The following KIFAP3 variants were observed in gnomAD, a reference collection of about 807,000 sequenced individuals.
KIFAP3 encodes kinesin-associated protein 3.
KIFAP3 carries 68 observed loss-of-function variants against 106.5 expected under a neutral mutation model. The observed-to-expected ratio is 0.64, with a 90% CI of 0.53 to 0.78. KIFAP3 has a LOEUF of 0.78. Among genes scored for constraint, KIFAP3 ranks in the 30% least tolerant of loss-of-function variants. KIFAP3 has a pLI of 0.00. For synonymous variants in KIFAP3, 320 were observed against 311.5 expected (o/e 1.03, Z -0.29); for missense variants, 780 against 941.8 (o/e 0.83, Z 2.25).
At chr1:169,939,972 T>C (rs1664017467) in intron 19 of KIFAP3, among the ~76,000 whole-genome samples, 1 of 152,170 alleles carries the variant, frequency 6.6e-6, no homozygotes, top group South Asian at 2.1e-4. Flanking sequence ...TGGAATATGA[T>C]GTGGGGCCAA....
chr1:170,036,627 T>A (rs186087689), intron 5 of KIFAP3, among the ~76,000 whole-genome samples: 1 of 152,234 alleles, frequency 6.6e-6, no homozygotes, highest in Admixed American at 6.5e-5. Context: ...TGGTGTAGCT[T>A]TGTTCAATCT....
chr1:169,975,313 A>G (rs1666166580), intron 16 of KIFAP3, among the ~76,000 whole-genome samples: 2 of 152,110 alleles, frequency 1.3e-5, no homozygotes, highest in South Asian at 4.1e-4. Context: ...TTTATCTAAA[A>G]TAAGTCTACA....
intron 10 of KIFAP3, among the ~76,000 whole-genome samples, chr1:170,011,029 C>G (rs1351651807): frequency 6.6e-6 from 1 of 151,934 alleles, no homozygotes; most frequent in Non-Finnish European, 1.5e-5. Context: ...AAAAAGCAAA[C>G]TGACCATTCA....
At chr1:169,987,614 G>A (rs528810542) in intron 11 of KIFAP3, among the ~76,000 whole-genome samples, 3 of 152,164 alleles carry the variant, frequency 2.0e-5, no homozygotes, top group South Asian at 2.1e-4. Context: ...AAGAGCAAAG[G>A]GGGCTGTCAG....
intron 16 of KIFAP3, among the ~76,000 whole-genome samples, chr1:169,973,122 T>TAA (rs869223400): frequency 2.2e-5 from 3 of 138,588 alleles, no homozygotes; most frequent in East Asian, 4.4e-4. Flanking sequence ...TATATATATA[T>TAA]AAACAACACA....
chr1:169,962,013 A>G (rs958439048), intron 17 of KIFAP3, among the ~76,000 whole-genome samples: 21 of 152,238 alleles, frequency 1.4e-4, no homozygotes, highest in African/African-American at 4.1e-4. Flanking sequence ...TTGTGGCACT[A>G]ATGACAGGTA....
chr1:170,016,628 A>G lies in KIFAP3; in HGVS notation c.1021-4T>C, dbSNP rs1180830976. 1.9e-6 allele frequency: 3 copies of G among 1,554,634 alleles called. No individual in the cohort carries two copies. Among genetic ancestry groups the G allele is most frequent in the Non-Finnish European group, 2.6e-6 (3 of 1,150,562 alleles). On this transcript the variant is annotated splice_polypyrimidine_tract_variant and splice_region_variant and intron_variant, in intron 9 of 19. Transcript: ENST00000361580. ...TTTCAACAATATCCATTTCCACCTA[A>G]GTAAAATAATAATACAAATACAGTG... is the stretch of plus-strand genomic sequence containing the variant.
chr1:169,965,017 A>C (rs1183596978), intron 17 of KIFAP3, among the ~76,000 whole-genome samples: 1 of 152,176 alleles, frequency 6.6e-6, no homozygotes, highest in East Asian at 1.9e-4. Context: ...CATTAGGGTA[A>C]GACATTTAAT....
At chr1:169,968,726 G>GACCACAA (rs1246266906) in intron 17 of KIFAP3, among the ~76,000 whole-genome samples, 1 of 151,190 alleles carries the variant, frequency 6.6e-6, no homozygotes, top group African/African-American at 2.4e-5. Context: ...CTTTAGTCTT[G>GACCACAA]ACCACAAAGT....
At chr1:169,931,174 C>G (rs1357266116) in intron 19 of KIFAP3, among the ~76,000 whole-genome samples, 1 of 152,094 alleles carries the variant, frequency 6.6e-6, no homozygotes, top group Non-Finnish European at 1.5e-5. Context: ...CCTGCCTCAG[C>G]CTCCCAAAAT....
intron 9 of KIFAP3, among the ~76,000 whole-genome samples, chr1:170,021,545 T>G (rs2102015536): frequency 6.7e-6 from 1 of 149,224 alleles, no homozygotes; most frequent in South Asian, 2.2e-4. Context: ...GTTCAAGCAA[T>G]TCTCCTGCCT....
At chr1:169,933,500 T>C (rs1230530499) in intron 19 of KIFAP3, among the ~76,000 whole-genome samples, 1 of 152,038 alleles carries the variant, frequency 6.6e-6, no homozygotes, top group Admixed American at 6.6e-5. Context: ...TAAGATTACA[T>C]GTCTTTTGAT....
At chr1:169,975,360 A>G (rs1300122964) in intron 16 of KIFAP3, among the ~76,000 whole-genome samples, 1 of 144,146 alleles carries the variant, frequency 6.9e-6, no homozygotes, top group African/African-American at 2.6e-5. Context: ...TGTTCAAATT[A>G]TATCAAATAA....
rs544211820 is a variant in KIFAP3, at chr1:169,928,740, G to T, written c.2274-6959C>A. Reference sequence around the variant, plus strand: ...AAAAAAATTAAAGTTATACCTTTACGAGTTGGGGACTGAGACTAAAGGAGA... The same window carrying T: ...AAAAAAATTAAAGTTATACCTTTACTAGTTGGGGACTGAGACTAAAGGAGA... On this transcript the variant is annotated intron_variant, in intron 19 of 19. Transcript: ENST00000361580. 3.2e-5 allele frequency among the ~76,000 whole-genome samples: 4 copies of T among 125,442 alleles called. No homozygotes were observed. In the Admixed American group the frequency reaches 3.4e-4, roughly 11 times the overall value. 82.3% of individuals were successfully genotyped at this position (125,442 alleles called of 152,430 possible).
chr1:170,024,171 T>C (rs1472413069), intron 9 of KIFAP3: 1 of 272,568 alleles, frequency 3.7e-6, no homozygotes, highest in African/African-American at 2.2e-5. Flanking sequence ...CTATATATTA[T>C]GTTTAATATG....
intron 1 of KIFAP3, among the ~76,000 whole-genome samples, chr1:170,062,281 C>T (rs1246111022): frequency 2.0e-5 from 3 of 150,686 alleles, no homozygotes; most frequent in African/African-American, 7.3e-5. Context: ...CCACCACCCC[C>T]AAACCCTACA....
At chr1:169,955,945 A>C (rs938755662) in intron 18 of KIFAP3, among the ~76,000 whole-genome samples, 1 of 152,174 alleles carries the variant, frequency 6.6e-6, no homozygotes, top group African/African-American at 2.4e-5. Context: ...AATGTAAAAA[A>C]ATCAATTTTA....
chr1:169,921,621 C>G lies in KIFAP3; in HGVS notation c.*55G>C. ...TATTAGGCAAAGATCCAAAATTAAC[C>G]CAACCCACACAGATTTCTTCTAAGC... On this transcript the variant is annotated 3_prime_UTR_variant, in exon 20 of 20. Transcript: ENST00000361580. 7.2e-7 allele frequency: 1 copy of G among 1,396,758 alleles called. No homozygotes were observed. The highest frequency in any genetic ancestry group is 1.0e-6 in the Non-Finnish European group (1 of 990,950). The allele number at this position is 1,396,758 out of a possible 1,614,324, so 86.5% of individuals were successfully genotyped here.
At chr1:170,003,268 T>C (rs1667758465) in intron 10 of KIFAP3, among the ~76,000 whole-genome samples, 1 of 152,220 alleles carries the variant, frequency 6.6e-6, no homozygotes, top group Admixed American at 6.5e-5. Context: ...ATAGACCAAG[T>C]ATTGCTCTGT....
Sources: gnomAD v4.1 joint callset for allele counts (sites outside exome capture counted in the v4.1 genomes callset) on GRCh38, gnomAD v4.1.1 for gene constraint, MANE v1.5 for transcripts, NCBI Gene and HGNC (gene_info 2026-07-23, HGNC 2026-07-21) for gene names.